STARD10: variants seen among roughly 807,000 people sequenced by gnomAD.
STARD10 encodes StAR related lipid transfer domain containing 10.
A neutral mutation model predicts 36.0 loss-of-function variants in STARD10; 24 were observed. That is an observed-to-expected ratio of 0.67 (90% CI 0.48 to 0.94). The LOEUF is 0.94. Among genes scored for constraint, STARD10 ranks in the 40% least tolerant of loss-of-function variants. The pLI is 0.00. For synonymous variants in STARD10, 156 were observed against 161.9 expected (o/e 0.96, Z 0.28); for missense variants, 335 against 396.6 (o/e 0.84, Z 1.32).
intron 2 of STARD10, among the ~76,000 whole-genome samples, chr11:72,770,228 A>AT (rs565075684): frequency 1.1e-4 from 16 of 151,666 alleles, no homozygotes; most frequent in African/African-American, 3.6e-4. Context: ...TAAAAGAATT[A>AT]TTTTTTTTGA....
chr11:72,761,917 C>CTTTTCTTTTTTT (rs1555023007), intron 2 of STARD10, among the ~76,000 whole-genome samples: 7 of 37,478 alleles, frequency 1.9e-4, no homozygotes, highest in African/African-American at 6.1e-4. Context: ...CTTTTCTTTT[C>CTTTTCTTTTTTT]TTTTTTTTTT....
rs1420455009 is a variant in STARD10, at chr11:72,754,764, G to T, written c.*133C>A. ...GGATCGTTTATTGGGGCTCTGTCCA[G>T]CCAGGCTGCAGCACCCGCCTGGGCC... On this transcript the variant is annotated 3_prime_UTR_variant, in exon 7 of 7. Coordinates refer to ENST00000334805, the MANE Select transcript of STARD10 (RefSeq NM_006645.3). The T allele has an allele frequency of 1.5e-6, 2 of 1,350,634 alleles. No individual in the cohort carries two copies. Among genetic ancestry groups the T allele is most frequent in the Admixed American group, 2.0e-5 (1 of 49,046 alleles). 83.7% of individuals were successfully genotyped at this position (1,350,634 alleles called of 1,614,324 possible).
chr11:72,758,699 A>C, intron 3 of STARD10, 66 bp from the exon 4 acceptor site: 1 of 1,184,954 alleles, frequency 8.4e-7, no homozygotes, highest in Non-Finnish European at 1.2e-6. Flanking sequence ...AGGGTGTGGC[A>C]GAGGCCAGAG....
At chr11:72,759,609 G>A (rs1385953067) in intron 2 of STARD10, among the ~76,000 whole-genome samples, 1 of 152,058 alleles carries the variant, frequency 6.6e-6, no homozygotes, top group African/African-American at 2.4e-5. Flanking sequence ...CATCTCCCCC[G>A]ACTCAGCCCA....
chr11:72,760,850 C>A (rs1393502010), intron 2 of STARD10, among the ~76,000 whole-genome samples: 1 of 151,934 alleles, frequency 6.6e-6, no homozygotes, highest in Non-Finnish European at 1.5e-5. Flanking sequence ...AGTGCCCTAT[C>A]CCCAAGATCA....
At chr11:72,787,559 C>T (rs1473956442) in intron 1 of STARD10, among the ~76,000 whole-genome samples, 2 of 152,254 alleles carry the variant, frequency 1.3e-5, no homozygotes, top group Non-Finnish European at 1.5e-5. Context: ...GGCCACACCC[C>T]GCTCTGCCTG....
At chr11:72,760,039 T>A (rs1445449658) in intron 2 of STARD10, among the ~76,000 whole-genome samples, 1 of 151,752 alleles carries the variant, frequency 6.6e-6, no homozygotes, top group Non-Finnish European at 1.5e-5. Flanking sequence ...GCCTCCAGAA[T>A]AGCTGGGATT....
chr11:72,758,598 T>C lies in STARD10; in HGVS notation c.391A>G (p.Ile131Val), dbSNP rs1858678672. 1 of 1,614,020 alleles carries C rather than the reference T, an allele frequency of 6.2e-7. No individual in the cohort carries two copies. Among genetic ancestry groups the C allele is most frequent in the Non-Finnish European group, 8.5e-7 (1 of 1,179,976 alleles). The change falls in exon 4 of 7, where the codon ATC becomes GTC. Residue 131 changes from isoleucine to valine, a missense_variant. By Grantham distance (29) the Ile-to-Val change is conservative. Transcript: ENST00000334805. ...CPKPLKNRDV[I>V]TLRSWLPMGA... ...ATGGGGAGCCAGGAGCGGAGGGTGA[T>C]GACATCACGGTTCTTCAGGGGCTTG... is the stretch of plus-strand genomic sequence containing the variant.
chr11:72,767,064 T>C (rs774069784), intron 2 of STARD10, among the ~76,000 whole-genome samples: 1 of 152,260 alleles, frequency 6.6e-6, no homozygotes, highest in Non-Finnish European at 1.5e-5. Context: ...TTTCAGCAGA[T>C]AGTTTTGTGA....
At chr11:72,767,321 G>A (rs1319006549) in intron 2 of STARD10, among the ~76,000 whole-genome samples, 1 of 152,228 alleles carries the variant, frequency 6.6e-6, no homozygotes, top group Non-Finnish European at 1.5e-5. Context: ...TCTGCCAGCT[G>A]TCAAGGGCAC....
intron 2 of STARD10, among the ~76,000 whole-genome samples, chr11:72,762,234 A>G (rs796538257): frequency 1.8e-4 from 27 of 152,036 alleles, no homozygotes; most frequent in African/African-American, 5.5e-4. Flanking sequence ...CCACTTGTCT[A>G]TATTTCTTAT....
intron 2 of STARD10, among the ~76,000 whole-genome samples, chr11:72,778,038 A>T (rs982855920): frequency 1.3e-3 from 201 of 152,308 alleles, no homozygotes; most frequent in Non-Finnish European, 1.8e-3. Flanking sequence ...TTCTGGCTCC[A>T]GACCTGCTGG....
intron 4 of STARD10, 175 bp from the exon 5 acceptor site, chr11:72,758,059 T>A: frequency 1.5e-6 from 1 of 652,040 alleles, no homozygotes; most frequent in Non-Finnish European, 2.7e-6. Flanking sequence ...CCAGAGTAGG[T>A]CATCCTAGCC....
intron 2 of STARD10, among the ~76,000 whole-genome samples, chr11:72,771,103 T>C (rs973319988): frequency 7.2e-4 from 110 of 152,324 alleles, no homozygotes; most frequent in African/African-American, 2.5e-3. Flanking sequence ...TGGTAAATGG[T>C]GGCTCAGAAA....
At chr11:72,787,065 C>T (rs1488040584) in intron 1 of STARD10, among the ~76,000 whole-genome samples, 1 of 122,236 alleles carries the variant, frequency 8.2e-6, no homozygotes, top group Non-Finnish European at 1.6e-5. Flanking sequence ...GCCTGGGTGA[C>T]AGAGAGAGAC....
Position 72,758,926 on chromosome 11 carries a change from G to A in STARD10, c.356-293C>T, listed in dbSNP as rs962960604. ...TGAGTGTACAAGAGAAAAACAGTATGAGTGTGCATGAAAATGTGTGCCTGG... is the reference window on the plus strand; with the variant it reads ...TGAGTGTACAAGAGAAAAACAGTATAAGTGTGCATGAAAATGTGTGCCTGG... On this transcript the variant is annotated intron_variant, in intron 3 of 6. Coordinates refer to ENST00000334805, the MANE Select transcript of STARD10 (RefSeq NM_006645.3). Among the ~76,000 whole-genome samples, 4 of 152,252 alleles carry A rather than the reference G, an allele frequency of 2.6e-5. No individual in the cohort carries two copies. In the South Asian group the frequency reaches 8.3e-4, roughly 32 times the overall value.
chr11:72,785,188 C>T (rs1178289237), intron 1 of STARD10, among the ~76,000 whole-genome samples: 1 of 152,104 alleles, frequency 6.6e-6, no homozygotes, highest in African/African-American at 2.4e-5. Flanking sequence ...ACTAAAGACC[C>T]CTCAGACTAA....
chr11:72,757,717 T>C lies in STARD10; in HGVS notation c.577+50A>G, dbSNP rs778744407. ...TCCCTAGTAGATCAGGCCCCACCCC[T>C]GTGGTATAGGGAAGGATCCCATGAT... On this transcript the variant is annotated intron_variant, in intron 5 of 6. Transcript: ENST00000334805. 145 of 1,544,356 alleles carry C rather than the reference T, an allele frequency of 9.4e-5. 1 individual carries two copies. Among genetic ancestry groups the C allele is most frequent in the African/African-American group, 9.5e-5 (7 of 73,514 alleles).
intron 1 of STARD10, chr11:72,785,665 C>T (rs1053277647): frequency 1.3e-5 from 2 of 152,606 alleles, no homozygotes; most frequent in African/African-American, 2.4e-5. Context: ...ACCACACCTT[C>T]CACTTGCCTG....
Sources: allele counts gnomAD v4.1 joint callset (sites outside exome capture counted in the v4.1 genomes callset), GRCh38; gene constraint gnomAD v4.1.1; transcripts MANE v1.5; gene names NCBI Gene and HGNC (gene_info 2026-07-23, HGNC 2026-07-21).